PTPRH: variants seen among roughly 807,000 people sequenced by gnomAD.
The protein encoded by PTPRH is receptor-type tyrosine-protein phosphatase H.
PTPRH carries 113 observed loss-of-function variants against 130.2 expected under a neutral mutation model. The observed-to-expected ratio is 0.87, with a 90% CI of 0.75 to 1.01. The LOEUF (loss-of-function observed/expected upper bound fraction) is 1.01, where lower values mean the gene tolerates loss of function less well. PTPRH is among the 50% of genes least tolerant of loss of function. The pLI is 0.00. For synonymous variants in PTPRH, 556 were observed against 577.9 expected (o/e 0.96, Z 0.54); for missense variants, 1,430 against 1,425.0 (o/e 1.00, Z -0.06).
chr19:55,191,386 C>T, intron 12 of PTPRH, 115 bp downstream of exon 12: 3 of 1,276,250 alleles, frequency 2.4e-6, no homozygotes, highest in Non-Finnish European at 3.4e-6. Context: ...TGGGCCCCTT[C>T]TGAGACCTTT....
intron 14 of PTPRH, among the ~76,000 whole-genome samples, chr19:55,187,299 C>G (rs1385889293): frequency 8.4e-6 from 1 of 119,168 alleles, no homozygotes; most frequent in African/African-American, 3.4e-5. Context: ...GAGCCGAGAT[C>G]GCGCCACTGC....
Position 55,205,532 on chromosome 19 carries a change from G to A in PTPRH, c.413C>T (p.Thr138Ile), listed in dbSNP as rs1043735278. 2 of 1,614,126 alleles carry A rather than the reference G, an allele frequency of 1.2e-6. No homozygotes were observed. Among genetic ancestry groups the A allele is most frequent in the African/African-American group, 2.7e-5 (2 of 74,942 alleles). ...EAQTNSSIALTWEVPDGPDPQ... is the reference protein window; with the variant it reads ...EAQTNSSIALIWEVPDGPDPQ... ...GTCTGGGCCGTCGGGGACCTCCCAG[G>A]TCAGGGCGATGGAGCTGTTGGTCTG... Residue 138 changes from threonine (T) to isoleucine (I), a missense_variant, in exon 4 of 20, where the codon ACC becomes ATC. Coordinates refer to ENST00000376350, the MANE Select transcript of PTPRH (RefSeq NM_002842.5).
At chr19:55,198,566 A>T in intron 8 of PTPRH, 77 bp downstream of exon 8, 1 of 1,429,018 alleles carries the variant, frequency 7.0e-7, no homozygotes, top group African/African-American at 1.4e-5. Flanking sequence ...TCATCTCCCA[A>T]GGAGCTCCCA....
chr19:55,196,615 C>T lies in PTPRH; in HGVS notation c.2164G>A (p.Gly722Arg), dbSNP rs565640893. The T allele has an allele frequency of 1.5e-5, 25 of 1,613,880 alleles. No homozygotes were observed. The highest frequency in any genetic ancestry group is 8.8e-5 in the South Asian group (8 of 91,048). Residue 722 changes from glycine to arginine, a missense_variant, in exon 10 of 20, where the codon GGG (glycine) becomes AGG (arginine). Physicochemically the swap from Gly to Arg is moderately radical, Grantham distance 125 (BLOSUM62 -2). Coordinates refer to ENST00000376350, the MANE Select transcript of PTPRH (RefSeq NM_002842.5). ...CGEAVSVLGL[G>R]PARSYPATIT... ...GTGGCTGGGTAGGACCGAGCCGGCCCGAGACCCAACACAGACACAGCCTCC... is the reference window on the plus strand; with the variant it reads ...GTGGCTGGGTAGGACCGAGCCGGCCTGAGACCCAACACAGACACAGCCTCC...
chr19:55,201,366 G>A (rs774937023), intron 6 of PTPRH, among the ~76,000 whole-genome samples: 7 of 152,124 alleles, frequency 4.6e-5, no homozygotes, highest in Non-Finnish European at 1.0e-4. Flanking sequence ...GACAAAGCGA[G>A]ACTCCAGCTC....
chr19:55,196,718 G>A lies in PTPRH; in HGVS notation c.2061C>T (p.Ser687=). Residue 687 remains serine, a synonymous_variant, in exon 10 of 20, where the codon TCC becomes TCT. Transcript: ENST00000376350. ...SAGYGVNLIW[S]CPQGGYEAFE... is the part of the protein sequence containing the mutation. ...AGGCCTCGTAGCCTCCCTGGGGGCA[G>A]GACCAGATCAAGTTGACTCCATAGC... 1 of 1,614,120 alleles carries A rather than the reference G, an allele frequency of 6.2e-7. No homozygotes were observed. Among genetic ancestry groups the A allele is most frequent in the East Asian group, 2.2e-5 (1 of 44,846 alleles).
chr19:55,190,620 T>A (rs941586389), intron 12 of PTPRH, among the ~76,000 whole-genome samples: 2 of 137,136 alleles, frequency 1.5e-5, no homozygotes, highest in African/African-American at 5.5e-5. Flanking sequence ...ATATATATTA[T>A]AAATTATATA....
At chr19:55,205,944 T>G (rs1226248898) in intron 3 of PTPRH, among the ~76,000 whole-genome samples, 1 of 152,192 alleles carries the variant, frequency 6.6e-6, no homozygotes, top group African/African-American at 2.4e-5. Flanking sequence ...TGAAAATACC[T>G]TGTATCTGCC....
intron 12 of PTPRH, among the ~76,000 whole-genome samples, chr19:55,188,969 T>C (rs1263527782): frequency 6.6e-6 from 1 of 152,206 alleles, no homozygotes; most frequent in African/African-American, 2.4e-5. Flanking sequence ...CCCATTCCTG[T>C]AGTTTCACTT....
At chr19:55,196,395 C>T in intron 10 of PTPRH, 127 bp downstream of exon 10, 1 of 1,281,772 alleles carries the variant, frequency 7.8e-7, no homozygotes, top group South Asian at 1.5e-5. Context: ...TCTCAAAATA[C>T]AAAATAAAAA....
At chr19:55,204,856 C>T (rs1306760884) in intron 4 of PTPRH, among the ~76,000 whole-genome samples, 1 of 152,194 alleles carries the variant, frequency 6.6e-6, no homozygotes, top group African/African-American at 2.4e-5. Context: ...CTTTAACGAG[C>T]TTAAATTTAA....
chr19:55,199,499 G>A (rs1046564493), intron 7 of PTPRH, among the ~76,000 whole-genome samples: 7 of 152,084 alleles, frequency 4.6e-5, no homozygotes, highest in Non-Finnish European at 1.0e-4. Flanking sequence ...CAGCTACTTG[G>A]AAGGCAGAGG....
intron 10 of PTPRH, chr19:55,192,208 C>T (rs983334502): frequency 5.8e-6 from 2 of 344,278 alleles, no homozygotes; most frequent in Admixed American, 4.0e-5. Flanking sequence ...CGAGACCATC[C>T]TGGTTAACAC....
intron 10 of PTPRH, among the ~76,000 whole-genome samples, chr19:55,193,729 T>C (rs2086607051): frequency 6.6e-6 from 1 of 152,132 alleles, no homozygotes; most frequent in Non-Finnish European, 1.5e-5. Context: ...AAATCATCCC[T>C]GGCATGGACG....
intron 6 of PTPRH, among the ~76,000 whole-genome samples, chr19:55,201,406 A>AAGGG (rs1312044066): frequency 7.9e-5 from 12 of 152,188 alleles, no homozygotes; most frequent in African/African-American, 2.2e-4. Flanking sequence ...AGAGAGACTC[A>AAGGG]AGGGAGCTTT....
intron 5 of PTPRH, among the ~76,000 whole-genome samples, chr19:55,202,806 A>T (rs1188331760): frequency 6.6e-6 from 1 of 152,116 alleles, no homozygotes; most frequent in Non-Finnish European, 1.5e-5. Flanking sequence ...TGGGAGGCTG[A>T]GGTAGGCGGA....
In PTPRH at chr19:55,194,129, C is replaced by T. The variant is rs548065735; in HGVS notation, c.2258-2388G>A. 2.8e-5 allele frequency: 36 copies of T among 1,285,444 alleles called. No homozygotes were observed. The African/African-American group carries it at 4.0e-4, about 14-fold the overall frequency. The allele number at this position is 1,285,444 out of a possible 1,614,324, so 79.6% of individuals were successfully genotyped here. On this transcript the variant is annotated intron_variant, in intron 10 of 19. Transcript: ENST00000376350. ...CCTCCCAAAGTGCTGGGATTACAGGCGTGAGCCACCGCGCCTGGCTGATCT... is the reference window on the plus strand; with the variant it reads ...CCTCCCAAAGTGCTGGGATTACAGGTGTGAGCCACCGCGCCTGGCTGATCT...
In PTPRH at chr19:55,194,185, A is replaced by G; in HGVS notation, c.2257+2337T>C. 5 of 1,289,332 alleles carry G rather than the reference A, an allele frequency of 3.9e-6. No homozygotes were observed. The South Asian group carries it at 6.2e-5, about 16-fold the overall frequency. 79.9% of individuals were successfully genotyped at this position (1,289,332 alleles called of 1,614,324 possible). A position where few individuals can be genotyped will look rare whatever the true frequency, so the allele number is the denominator to read the frequency against. ...TGTCTATGGGTGCTCTCAGGCTCTG[A>G]TGGCACAGTTCTCCCAAGATCTGTC... On this transcript the variant is annotated intron_variant, in intron 10 of 19. Coordinates refer to ENST00000376350, the MANE Select transcript of PTPRH (RefSeq NM_002842.5).
chr19:55,207,088 G>A (rs376821146), intron 2 of PTPRH, 78 bp downstream of exon 2: 98 of 1,592,190 alleles, frequency 6.2e-5, no homozygotes, highest in South Asian at 6.7e-5. Flanking sequence ...TGGACCCCAC[G>A]GGGACCCCCC....
Sources: gnomAD v4.1 joint callset for allele counts (sites outside exome capture counted in the v4.1 genomes callset) on GRCh38, gnomAD v4.1.1 for gene constraint, MANE v1.5 for transcripts, NCBI Gene and HGNC (gene_info 2026-07-23, HGNC 2026-07-21) for gene names.